Variants in PLEKHO1 observed in about 807,000 individuals in gnomAD.
PLEKHO1 encodes the protein pleckstrin homology domain-containing family O member 1.
A neutral mutation model predicts 41.4 loss-of-function variants in PLEKHO1; 22 were observed. The ratio of observed to expected loss-of-function variants is 0.53; its 90% confidence interval spans 0.38 to 0.76. PLEKHO1 has a LOEUF of 0.76. PLEKHO1 is among the 30% of genes least tolerant of loss of function. The pLI, the probability that PLEKHO1 is intolerant of heterozygous loss-of-function variation, is 0.00. For missense variants in PLEKHO1, 488 were observed against 518.3 expected, an observed-to-expected ratio of 0.94 and a Z score of 0.57; for synonymous variants, 225 against 210.8, an observed-to-expected ratio of 1.07 and a Z score of -0.58.
At position 150,157,475 on chromosome 1, in the gene PLEKHO1, C is replaced by G; in HGVS notation, c.514C>G (p.Leu172Val). The change falls in exon 5 of 6, where the codon CTA becomes GTA. Residue 172 changes from leucine (L) to valine (V), a missense_variant. Around this residue, in one of 3 missense-constraint regions of PLEKHO1, gnomAD observed 337 missense variants for 324.6 expected, o/e 1.04. Coordinates refer to ENST00000369124, the MANE Select transcript of PLEKHO1 (RefSeq NM_016274.6). ...CCGCCGCCCCCCAACAAGGGGACAC[C>G]TAATGGCTGTGGTATGTAAGACTGT... is the stretch of plus-strand genomic sequence containing the variant. ...HSRRPPTRGH[L>V]MAVASTSTSD... 6.2e-7 allele frequency: 1 copy of G among 1,610,562 alleles called. No homozygotes were observed. The highest frequency in any genetic ancestry group is 1.1e-5 in the South Asian group (1 of 91,004).
chr1:150,151,826 C>G (rs1352073508), intron 2 of PLEKHO1, among the ~76,000 whole-genome samples: 3 of 152,146 alleles, frequency 2.0e-5, no homozygotes, highest in Non-Finnish European at 2.9e-5. Context: ...GAATCCAGAC[C>G]CATCTCCCTT....
chr1:150,156,050 C>T lies in PLEKHO1; in HGVS notation c.178-16C>T. 2 of 1,610,574 alleles carry T rather than the reference C, an allele frequency of 1.2e-6. No homozygotes were observed. Among genetic ancestry groups the T allele is most frequent in the Non-Finnish European group, 1.7e-6 (2 of 1,177,362 alleles). On this transcript the variant is annotated splice_polypyrimidine_tract_variant and intron_variant, in intron 2 of 5. Coordinates refer to ENST00000369124, the MANE Select transcript of PLEKHO1 (RefSeq NM_016274.6). ...AATAATTTTATCCTCCTCACCTCAC[C>T]CCAACCCTCCCCTAGGTAAAAGATG... is the stretch of plus-strand genomic sequence containing the variant.
chr1:150,157,797 C>T (rs1273924049), intron 5 of PLEKHO1, among the ~76,000 whole-genome samples: 1 of 152,152 alleles, frequency 6.6e-6, no homozygotes, highest in African/African-American at 2.4e-5. Context: ...ACATGTAGTA[C>T]CGCGGGTGTT....
chr1:150,158,614 G>A (rs1251285730), intron 5 of PLEKHO1, among the ~76,000 whole-genome samples: 3 of 152,098 alleles, frequency 2.0e-5, no homozygotes, highest in East Asian at 1.9e-4. Context: ...GCGTGAACCC[G>A]GGAGGCGGAG....
In PLEKHO1 at chr1:150,159,146, C is replaced by A. The variant is rs143969465; in HGVS notation, c.853C>A (p.Arg285Ser). The change falls in exon 6 of 6, where the codon CGC (arginine) becomes AGC (serine). Residue 285 changes from arginine (R) to serine (S), a missense_variant. Arg to Ser is a moderately radical substitution (Grantham distance 110). Coordinates refer to ENST00000369124, the MANE Select transcript of PLEKHO1 (RefSeq NM_016274.6). Reference protein sequence around the residue: ...ILSQRDAASARTLQLRAEEPP... With the variant: ...ILSQRDAASASTLQLRAEEPP... ...ATCTCAGCGGGATGCTGCCTCTGCC[C>A]GCACCCTCCAGCTGCGGGCTGAGGA... is the stretch of plus-strand genomic sequence containing the variant. 1 of 1,611,686 alleles carries A rather than the reference C, an allele frequency of 6.2e-7. No homozygotes were observed. Among genetic ancestry groups the A allele is most frequent in the Non-Finnish European group, 8.5e-7 (1 of 1,178,968 alleles).
intron 2 of PLEKHO1, among the ~76,000 whole-genome samples, chr1:150,151,576 G>A (rs2101683067): frequency 6.6e-6 from 1 of 152,256 alleles, no homozygotes; most frequent in South Asian, 2.1e-4. Context: ...GTGTGTGAGT[G>A]GCAGTTATTT....
chr1:150,159,224 C>A lies in PLEKHO1; in HGVS notation c.931C>A (p.Leu311Met). 1.2e-6 allele frequency: 2 copies of A among 1,614,158 alleles called. No homozygotes were observed. The highest frequency in any genetic ancestry group is 1.7e-6 in the Non-Finnish European group (2 of 1,180,012). ...NPGQLSRIQD[L>M]VARKLEETQE... The stretch of plus-strand genomic sequence containing the variant: ...GGGGCAGCTGTCCCGGATCCAGGAC[C>A]TGGTAGCAAGGAAACTGGAGGAGAC... The change falls in exon 6 of 6, where the codon CTG (leucine) becomes ATG (methionine). Residue 311 changes from leucine (L) to methionine (M), a missense_variant. Transcript: ENST00000369124.
rs1382967545 is a variant in PLEKHO1 at position 150,160,056 on chromosome 1, C to T, written c.*533C>T. On this transcript the variant is annotated 3_prime_UTR_variant, in exon 6 of 6. Transcript: ENST00000369124. The stretch of plus-strand genomic sequence containing the variant: ...GGAGGATTTGTGGAATTAAAATCTC[C>T]CCAGCCAGACACTGGCTTCTCATTC... 2.0e-5 allele frequency: 3 copies of T among 152,566 alleles called. No individual in the cohort carries two copies. The highest frequency in any genetic ancestry group is 6.5e-5 in the Admixed American group (1 of 15,318). The allele number at this position is 152,566 out of a possible 1,614,324, so 9.5% of individuals were successfully genotyped here.
At chr1:150,151,366 G>A (rs1659920795) in intron 2 of PLEKHO1, among the ~76,000 whole-genome samples, 1 of 152,076 alleles carries the variant, frequency 6.6e-6, no homozygotes, top group South Asian at 2.1e-4. Context: ...CCCTAACCTG[G>A]CCTCCTGCAT....
chr1:150,156,554 T>C (rs1660177798), intron 3 of PLEKHO1, among the ~76,000 whole-genome samples: 1 of 152,242 alleles, frequency 6.6e-6, no homozygotes, highest in African/African-American at 2.4e-5. Context: ...TAATTCATCT[T>C]GTCTGAGGGA....
chr1:150,157,665 G>A (rs782789690), intron 5 of PLEKHO1, among the ~76,000 whole-genome samples, 179 bp downstream of exon 5: 2 of 152,140 alleles, frequency 1.3e-5, no homozygotes, highest in Non-Finnish European at 2.9e-5. Context: ...TTTATTCAGC[G>A]CCCATTAGGA....
intron 2 of PLEKHO1, chr1:150,153,752 C>A (rs1363750520): frequency 3.9e-5 from 6 of 152,252 alleles, no homozygotes; most frequent in African/African-American, 1.4e-4. Context: ...AGAAGCTAGA[C>A]CTTAGGAAGA....
intron 2 of PLEKHO1, among the ~76,000 whole-genome samples, chr1:150,152,252 G>A (rs1483115202): frequency 6.6e-6 from 1 of 152,188 alleles, no homozygotes; most frequent in East Asian, 1.9e-4. Flanking sequence ...TCCCTCTTAA[G>A]GGTATTGAAA....
intron 2 of PLEKHO1, 162 bp from the exon 3 acceptor site, chr1:150,155,904 G>A (rs1217520694): frequency 3.1e-6 from 2 of 644,558 alleles, no homozygotes; most frequent in East Asian, 2.6e-5. Flanking sequence ...CGTCCTCCTC[G>A]ATGTGAGGAC....
intron 2 of PLEKHO1, among the ~76,000 whole-genome samples, chr1:150,152,150 TACAC>T (rs371763771): frequency 6.6e-6 from 1 of 152,066 alleles, no homozygotes; most frequent in Admixed American, 6.5e-5. Context: ...TATTGAAACA[TACAC>T]ACACACACCC....
rs139692592 is a variant in PLEKHO1, at chr1:150,156,256, G to C, written c.318+50G>C. The C allele has an allele frequency of 1.2e-3, 1,832 of 1,532,514 alleles. 24 individuals are homozygous for C. The highest frequency in any genetic ancestry group is 9.7e-3 in the East Asian group (423 of 43,684). 94.9% of individuals were successfully genotyped at this position (1,532,514 alleles called of 1,614,324 possible). On this transcript the variant is annotated intron_variant, in intron 3 of 5. Transcript: ENST00000369124. The stretch of plus-strand genomic sequence containing the variant: ...TGCTGGAACATGGACAGGGTTGGAG[G>C]GGGCAGGGGAGAACTCCTTCCCCTC...
Position 150,150,234 on chromosome 1 carries a change from G to A in PLEKHO1, c.-24G>A. ...ACGCGGGGCCGCCCCTCGGCTCGCC[G>A]CCCCGCGCCCGCGCCCGCTGGGAAT... On this transcript the variant is annotated 5_prime_UTR_variant, in exon 1 of 6. Transcript: ENST00000369124. 9.5e-7 allele frequency: 1 copy of A among 1,047,636 alleles called. No individual in the cohort carries two copies. The allele number at this position is 1,047,636 out of a possible 1,614,324, so 64.9% of individuals were successfully genotyped here.
Position 150,159,033 on chromosome 1 carries a change from C to T in PLEKHO1, c.740C>T (p.Thr247Ile), listed in dbSNP as rs781824875. 9.6e-5 allele frequency: 155 copies of T among 1,613,966 alleles called. No homozygotes were observed. Among genetic ancestry groups the T allele is most frequent in the Non-Finnish European group, 1.3e-4 (148 of 1,179,964 alleles). The change falls in exon 6 of 6, where the codon ACA (threonine) becomes ATA (isoleucine). Residue 247 changes from threonine (T) to isoleucine (I), a missense_variant. Thr to Ile is a moderately conservative substitution (Grantham distance 89). Transcript: ENST00000369124. ...AGTCTCTCCCGACCTTGGGAAAAAA[C>T]AGACAAAGGGGCCACCTACACCCCC... Reference protein sequence around the residue: ...ASSLSRPWEKTDKGATYTPQA... With the variant: ...ASSLSRPWEKIDKGATYTPQA...
Position 150,159,384 on chromosome 1 carries a change from C to T in PLEKHO1, c.1091C>T (p.Ser364Leu), listed in dbSNP as rs78020733. 1.4e-4 allele frequency: 223 copies of T among 1,614,124 alleles called. 2 individuals are homozygous for T. The East Asian group carries it at 4.9e-3, about 35-fold the overall frequency. The change falls in exon 6 of 6, where the codon TCG (serine) becomes TTG (leucine). Residue 364 changes from serine (S) to leucine (L), a missense_variant. Around this residue, in one of 3 missense-constraint regions of PLEKHO1, gnomAD observed 337 missense variants for 324.6 expected, o/e 1.04. Coordinates refer to ENST00000369124, the MANE Select transcript of PLEKHO1 (RefSeq NM_016274.6). ...ETERLLGEAS[S>L]NWSQAKRVLQ... is the part of the protein sequence containing the mutation. ...GAACGGCTGCTGGGAGAGGCATCAT[C>T]GAATTGGAGCCAGGCAAAGAGGGTG...
Sources: allele counts gnomAD v4.1 joint callset (sites outside exome capture counted in the v4.1 genomes callset), GRCh38; gene constraint gnomAD v4.1.1; regional missense constraint gnomAD v4.1.1; transcripts MANE v1.5; gene names NCBI Gene and HGNC (gene_info 2026-07-23, HGNC 2026-07-21).